Variants in IRX6 observed in about 807,000 individuals in gnomAD.
The protein encoded by IRX6 is iroquois homeobox 6.
IRX6 carries 46 observed loss-of-function variants against 47.7 expected under a neutral mutation model. The observed-to-expected ratio is 0.96, with a 90% CI of 0.76 to 1.23. IRX6 has a LOEUF of 1.23. IRX6 is among the 50% of genes most tolerant of loss of function. The probability of loss-of-function intolerance (pLI) is 0.00; values close to 1 mark genes in which losing one functional copy is unlikely to be tolerated. For missense variants in IRX6, 722 were observed against 588.0 expected, an observed-to-expected ratio of 1.23 and a Z score of -2.36; for synonymous variants, 265 against 246.2, an observed-to-expected ratio of 1.08 and a Z score of -0.72.
Position 55,326,563 on chromosome 16 carries a change from C to A in IRX6, c.273C>A (p.Ser91Arg). The change falls in exon 2 of 6, where the codon AGC becomes AGA. Residue 91 changes from serine to arginine, a missense_variant. Ser to Arg is a moderately radical substitution (Grantham distance 110). Transcript: ENST00000290552. The stretch of plus-strand genomic sequence containing the variant: ...GCTACCCTGGCTACCTGCCCTATAG[C>A]CCAGAGCCCCCCTCACTGTATGGGG... ...AQSYPGYLPY[S>R]PEPPSLYGAL... 1 of 1,567,368 alleles carries A rather than the reference C, an allele frequency of 6.4e-7. No homozygotes were observed. Among genetic ancestry groups the A allele is most frequent in the African/African-American group, 1.4e-5 (1 of 73,984 alleles).
In IRX6 at chr16:55,324,753, C is replaced by T. The variant is rs1567338162; in HGVS notation, c.-339C>T. ...ACATTGAGCCTCTGGCCACCTTGGACTGGGACACCTCCGGAGCCTCACAGC... is the reference window on the plus strand; with the variant it reads ...ACATTGAGCCTCTGGCCACCTTGGATTGGGACACCTCCGGAGCCTCACAGC... On this transcript the variant is annotated 5_prime_UTR_variant, in exon 1 of 6. Coordinates refer to ENST00000290552, the MANE Select transcript of IRX6 (RefSeq NM_024335.3). This position sits in a 1 kb window ranked among gnomAD's most constrained non-coding sequence, Gnocchi z 4.4. The T allele has an allele frequency of 2.7e-6, 1 of 368,616 alleles. No individual in the cohort carries two copies. The highest frequency in any genetic ancestry group is 2.1e-5 in the African/African-American group (1 of 46,702). 22.8% of individuals were successfully genotyped at this position (368,616 alleles called of 1,614,324 possible).
At chr16:55,328,475 A>G (rs1273323471) in intron 4 of IRX6, among the ~76,000 whole-genome samples, 5 of 152,184 alleles carry the variant, frequency 3.3e-5, no homozygotes, top group Non-Finnish European at 5.9e-5. Context: ...CTAGAGGAGG[A>G]GTCCGCTAAA....
chr16:55,326,637 A>G (rs768082292), intron 2 of IRX6, 44 bp downstream of exon 2: 13 of 1,463,722 alleles, frequency 8.9e-6, no homozygotes, highest in Non-Finnish European at 1.2e-5. Flanking sequence ...CAGTAGAGAC[A>G]GGTGAAATCC....
chr16:55,329,179 G>A lies in IRX6; in HGVS notation c.1201G>A (p.Asp401Asn). 3.7e-6 allele frequency: 6 copies of A among 1,614,144 alleles called. No homozygotes were observed. The highest frequency in any genetic ancestry group is 4.2e-6 in the Non-Finnish European group (5 of 1,180,042). Residue 401 changes from aspartate to asparagine, a missense_variant, in exon 5 of 6, where the codon GAC becomes AAC. Transcript: ENST00000290552. ...RLSVPRDSAC[D>N]ESSCIPKAFG... ...CTCAGTCCCCAGAGACTCCGCGTGC[G>A]ACGAGTCTTCCTGCATACCCAAAGC...
chr16:55,328,715 A>G lies in IRX6; in HGVS notation c.737A>G (p.Gln246Arg), dbSNP rs1567340061. Residue 246 changes from glutamine to arginine, a missense_variant, in exon 5 of 6, where the codon CAG (glutamine) becomes CGG (arginine). Transcript: ENST00000290552. ...TTTCCTGCAGAAGTTACTGCTAGCC[A>G]GGAGGCCCGGGGGCTCCGGCTGAGT... ...TADTKEVTAS[Q>R]EARGLRLSDL... 5 of 1,613,126 alleles carry G rather than the reference A, an allele frequency of 3.1e-6. No homozygotes were observed. Among genetic ancestry groups the G allele is most frequent in the East Asian group, 2.2e-5 (1 of 44,874 alleles).
In IRX6 at chr16:55,328,814, G is replaced by C. The variant is rs745902960; in HGVS notation, c.836G>C (p.Gly279Ala). ...AEDEEVVATA[G>A]DRLTEFRKGA... ...GACGAGGAGGTAGTGGCCACAGCTG[G>C]GGACAGGCTGACGGAGTTCCGAAAG... Residue 279 changes from glycine to alanine, a missense_variant, in exon 5 of 6, where the codon GGG becomes GCG. By Grantham distance (60) the Gly-to-Ala change is moderately conservative. Coordinates refer to ENST00000290552, the MANE Select transcript of IRX6 (RefSeq NM_024335.3). 8.1e-6 allele frequency: 13 copies of C among 1,613,088 alleles called. No homozygotes were observed. The highest frequency in any genetic ancestry group is 1.0e-5 in the Non-Finnish European group (12 of 1,180,000).
In IRX6 at chr16:55,327,360, C is replaced by G. The variant is rs1204550343; in HGVS notation, c.368C>G (p.Ala123Gly). The G allele has an allele frequency of 6.8e-6, 11 of 1,613,950 alleles. No individual in the cohort carries two copies. The South Asian group carries it at 1.1e-4, about 16-fold the overall frequency. Residue 123 changes from alanine (A) to glycine (G), a missense_variant, in exon 3 of 6, where the codon GCC becomes GGC. Transcript: ENST00000290552. ...SFTSSLAQPG[A>G]YYPYERTLGQ... ...ACATCCAGCCTGGCACAACCAGGAG[C>G]CTATTATCCCTATGAGCGGACTCTG...
Position 55,327,593 on chromosome 16 carries a change from G to T in IRX6, c.421G>T (p.Ala141Ser). ...LGQYQYERYG[A>S]VELSGAGRRK... Reference sequence around the variant, plus strand: ...CCAGGTTCTCCCCCACAGGTATGGCGCAGTGGAATTGAGTGGCGCCGGTCG... The same window carrying T: ...CCAGGTTCTCCCCCACAGGTATGGCTCAGTGGAATTGAGTGGCGCCGGTCG... Residue 141 changes from alanine (A) to serine (S), a missense_variant, in exon 4 of 6, where the codon GCA becomes TCA. By Grantham distance (99) the Ala-to-Ser change is moderately conservative (BLOSUM62 1). Transcript: ENST00000290552. 1 of 1,601,762 alleles carries T rather than the reference G, an allele frequency of 6.2e-7. No individual in the cohort carries two copies. The highest frequency in any genetic ancestry group is 8.5e-7 in the Non-Finnish European group (1 of 1,174,520).
chr16:55,326,316 C>T lies in IRX6; in HGVS notation c.46-20C>T, dbSNP rs1170953068. 6.3e-7 allele frequency: 1 copy of T among 1,593,812 alleles called. No individual in the cohort carries two copies. ...GGGGGGGGTCTCTGACCTCCAGTGC[C>T]CTCTTTCTTGCCCCTATAGTTTCTG... is the stretch of plus-strand genomic sequence containing the variant. On this transcript the variant is annotated intron_variant, in intron 1 of 5. Coordinates refer to ENST00000290552, the MANE Select transcript of IRX6 (RefSeq NM_024335.3).
rs1491427085 is a variant in IRX6, at chr16:55,325,530, G to GGAAGGAAGGAAGGAAAGAGAGAGAGAGA, written c.45+396_45+397insAGGAAGGAAGGAAAGAGAGAGAGAGAGA. 6.6e-4 allele frequency among the ~76,000 whole-genome samples: 6 copies of GGAAGGAAGGAAGGAAAGAGAGAGAGAGA among 9,082 alleles called. 1 individual carries two copies. Among genetic ancestry groups the GGAAGGAAGGAAGGAAAGAGAGAGAGAGA allele is most frequent in the African/African-American group, 4.6e-3 (6 of 1,298 alleles). 6.0% of individuals were successfully genotyped at this position (9,082 alleles called of 152,430 possible). On this transcript the variant is annotated intron_variant, in intron 1 of 5. Transcript: ENST00000290552. ...AGGAAGGAAGGAAGGAAGGAAGGAA[G>GGAAGGAAGGAAGGAAAGAGAGAGAGAGA]GAGAGAGAGAGAGAGAGAGAGAGAG...
chr16:55,326,458 G>A lies in IRX6; in HGVS notation c.168G>A (p.Leu56=), dbSNP rs1327297607. The part of the protein sequence containing the change: ...ALCCAPYDSR[L]LGSARPELGA... ...GCTGCGCACCCTACGATAGTCGACTGCTGGGCAGTGCGCGACCGGAGCTGG... is the reference window on the plus strand; with the variant it reads ...GCTGCGCACCCTACGATAGTCGACTACTGGGCAGTGCGCGACCGGAGCTGG... Residue 56 remains leucine, a synonymous_variant, in exon 2 of 6, where the codon CTG becomes CTA. Transcript: ENST00000290552. 6.2e-7 allele frequency: 1 copy of A among 1,613,650 alleles called. No homozygotes were observed. The highest frequency in any genetic ancestry group is 8.5e-7 in the Non-Finnish European group (1 of 1,180,010).
Position 55,327,361 on chromosome 16 carries a change from C to A in IRX6, c.369C>A (p.Ala123=). ...SFTSSLAQPG[A]YYPYERTLGQ... ...CATCCAGCCTGGCACAACCAGGAGC[C>A]TATTATCCCTATGAGCGGACTCTGG... The change falls in exon 3 of 6, where the codon GCC becomes GCA. Residue 123 remains alanine (A), a synonymous_variant. Transcript: ENST00000290552. 6.2e-7 allele frequency: 1 copy of A among 1,614,004 alleles called. No individual in the cohort carries two copies. The highest frequency in any genetic ancestry group is 8.5e-7 in the Non-Finnish European group (1 of 1,179,912).
chr16:55,327,420 G>T lies in IRX6; in HGVS notation c.413+15G>T. 3 of 1,600,234 alleles carry T rather than the reference G, an allele frequency of 1.9e-6. No homozygotes were observed. Among genetic ancestry groups the T allele is most frequent in the Non-Finnish European group, 8.6e-7 (1 of 1,167,574 alleles). On this transcript the variant is annotated intron_variant, in intron 3 of 5. Coordinates refer to ENST00000290552, the MANE Select transcript of IRX6 (RefSeq NM_024335.3). ...CAATATGAACGGTAAGGAGTGAAGG[G>T]CCTTGGTGACTGGCACTGTGAGTCT...
intron 1 of IRX6, 63 bp from the exon 2 acceptor site, chr16:55,326,273 G>A (rs1960519375): frequency 2.2e-6 from 3 of 1,369,158 alleles, no homozygotes; most frequent in Admixed American, 4.8e-5. Context: ...CCTTCAGCGG[G>A]AGCGGGGGCG....
chr16:55,326,294 G>A (rs757435584), intron 1 of IRX6, 42 bp from the exon 2 acceptor site: 10 of 1,435,364 alleles, frequency 7.0e-6, no homozygotes, highest in Non-Finnish European at 9.5e-6. Flanking sequence ...GGGGTGGGGG[G>A]GGGGTCTCTG....
chr16:55,324,375 C>G lies in IRX6; in HGVS notation c.-717C>G, dbSNP rs1380336236. On this transcript the variant is annotated 5_prime_UTR_variant, in exon 1 of 6. Transcript: ENST00000290552. The surrounding 1 kb of genome is among the most constrained non-coding windows in gnomAD (Gnocchi z 4.4). ...TTTGTATTCTCTCCTCCCTCGCCGCCCCGGTTGCCTCTCGCCTCCTCCGGG... is the reference window on the plus strand; with the variant it reads ...TTTGTATTCTCTCCTCCCTCGCCGCGCCGGTTGCCTCTCGCCTCCTCCGGG... 1 of 152,052 alleles carries G rather than the reference C, an allele frequency of 6.6e-6. No homozygotes were observed. The highest frequency in any genetic ancestry group is 1.5e-5 in the Non-Finnish European group (1 of 68,042). The allele number at this position is 152,052 out of a possible 1,614,324, so 9.4% of individuals were successfully genotyped here.
rs1221734580 is a variant in IRX6, at chr16:55,326,606, G to A, written c.303+13G>A. On this transcript the variant is annotated intron_variant, in intron 2 of 5. Coordinates refer to ENST00000290552, the MANE Select transcript of IRX6 (RefSeq NM_024335.3). ...GTATGGGGCACTGGTGAGTACAGGG[G>A]TGGAGTCCCAGGGGAGTGAGCAGTA... The A allele has an allele frequency of 8.6e-6, 13 of 1,506,492 alleles. No homozygotes were observed. Among genetic ancestry groups the A allele is most frequent in the Admixed American group, 2.2e-5 (1 of 45,030 alleles). 93.3% of individuals were successfully genotyped at this position (1,506,492 alleles called of 1,614,324 possible).
Position 55,324,885 on chromosome 16 carries a change from G to A in IRX6, c.-207G>A, listed in dbSNP as rs1182883216. ...CCCTTCTGTCTTCCGGACCCCACGG[G>A]CCGGAGGGGCGCCTTCCGGAGCGCA... On this transcript the variant is annotated 5_prime_UTR_variant, in exon 1 of 6. Transcript: ENST00000290552. This position sits in a 1 kb window ranked among gnomAD's most constrained non-coding sequence, Gnocchi z 4.4. 8.3e-6 allele frequency: 5 copies of A among 602,944 alleles called. No homozygotes were observed. In the African/African-American group the frequency reaches 9.3e-5, roughly 11 times the overall value. 37.3% of individuals were successfully genotyped at this position (602,944 alleles called of 1,614,324 possible).
chr16:55,329,966 C>T (rs1227351497), intron 5 of IRX6, among the ~76,000 whole-genome samples: 1 of 152,160 alleles, frequency 6.6e-6, no homozygotes, highest in African/African-American at 2.4e-5. Flanking sequence ...AATCAGTGTC[C>T]CCTGATGCTG....
Sources: gnomAD v4.1 joint callset for allele counts (sites outside exome capture counted in the v4.1 genomes callset) on GRCh38, gnomAD v4.1.1 for gene constraint, Gnocchi (gnomAD v3.1) non-coding constraint, MANE v1.5 for transcripts, NCBI Gene and HGNC (gene_info 2026-07-23, HGNC 2026-07-21) for gene names.